COX10: variants seen among roughly 807,000 people sequenced by gnomAD.
COX10 encodes the protein cytochrome c oxidase assembly factor heme A:farnesyltransferase COX10.
Under a neutral mutation model 37.3 loss-of-function variants are expected in COX10, and 27 were observed. The observed-to-expected ratio is 0.72, with a 90% CI of 0.53 to 1.00. The LOEUF (loss-of-function observed/expected upper bound fraction) is 1.00. Ranked by LOEUF, COX10 falls within the 50% of genes least tolerant of loss-of-function variation. COX10 has a pLI of 0.00. For synonymous variants in COX10, 222 were observed against 229.1 expected, an observed-to-expected ratio of 0.97 and a Z score of 0.28; for missense variants, 475 against 563.2, an observed-to-expected ratio of 0.84 and a Z score of 1.59.
At chr17:14,174,324 T>C (rs551141128) in intron 5 of COX10, among the ~76,000 whole-genome samples, 3,084 of 151,406 alleles carry the variant, frequency 0.02, 52 homozygotes, top group African/African-American at 0.042. Context: ...TTAGGTATGG[T>C]GGCATGTGCC....
intron 1 of COX10, 151 bp from the exon 2 acceptor site, chr17:14,074,172 C>T: frequency 2.5e-6 from 2 of 810,026 alleles, no homozygotes; most frequent in South Asian, 1.7e-5. Flanking sequence ...CATTTATTCA[C>T]AAATCTGGAT....
intron 3 of COX10, among the ~76,000 whole-genome samples, chr17:14,079,336 T>G (rs1915226401): frequency 6.6e-6 from 1 of 152,132 alleles, no homozygotes; most frequent in Non-Finnish European, 1.5e-5. Flanking sequence ...TGAATGAATA[T>G]TTACTCGGCA....
At chr17:14,202,523 G>T (rs1325101968) in intron 6 of COX10, among the ~76,000 whole-genome samples, 1 of 152,160 alleles carries the variant, frequency 6.6e-6, no homozygotes, top group African/African-American at 2.4e-5. Flanking sequence ...AGATGATGAT[G>T]ATGATACCTA....
intron 5 of COX10, among the ~76,000 whole-genome samples, chr17:14,173,088 A>G (rs1905533696): frequency 3.3e-5 from 5 of 152,212 alleles, no homozygotes; most frequent in Admixed American, 2.6e-4. Context: ...TTCCTTGTAC[A>G]TTCTGGGTAT....
intron 3 of COX10, among the ~76,000 whole-genome samples, chr17:14,090,783 C>T (rs1347506400): frequency 2.0e-5 from 3 of 152,178 alleles, no homozygotes; most frequent in Non-Finnish European, 4.4e-5. Context: ...AGTTCCTCAC[C>T]TGCTGAATCA....
intron 4 of COX10, among the ~76,000 whole-genome samples, chr17:14,153,645 T>C (rs1207525179): frequency 6.6e-6 from 1 of 152,208 alleles, no homozygotes; most frequent in East Asian, 1.9e-4. Flanking sequence ...AACTTTCATA[T>C]ACTGCTGTGG....
rs529157735 is a variant in COX10, at chr17:14,100,423, A to C, written c.500-1695A>C. 6.6e-5 allele frequency among the ~76,000 whole-genome samples: 10 copies of C among 152,252 alleles called. No homozygotes were observed. In the East Asian group the frequency reaches 1.4e-3, roughly 21 times the overall value. Reference sequence around the variant, plus strand: ...TGTAGTAAGTGTCATGAAGGAAATAAAAGGAGGATGTGAGCGAGGGAGTAA... The same window carrying C: ...TGTAGTAAGTGTCATGAAGGAAATACAAGGAGGATGTGAGCGAGGGAGTAA... On this transcript the variant is annotated intron_variant, in intron 3 of 6. Transcript: ENST00000261643.
At position 14,119,449 on chromosome 17, in the gene COX10, G is replaced by A. The variant is rs141673887; in HGVS notation, c.624+17207G>A. ...ATGGTAGGCAAAAAAAACCTGCCAC[G>A]ATCTTTGCTCTCAGTGGACCTATTG... On this transcript the variant is annotated intron_variant, in intron 4 of 6. Transcript: ENST00000261643. 1.8e-4 allele frequency among the ~76,000 whole-genome samples: 28 copies of A among 152,232 alleles called. No individual in the cohort carries two copies. The East Asian group carries it at 4.8e-3, about 26-fold the overall frequency.
chr17:14,094,484 A>G (rs1915600463), intron 3 of COX10, among the ~76,000 whole-genome samples: 1 of 152,126 alleles, frequency 6.6e-6, no homozygotes, highest in South Asian at 2.1e-4. Flanking sequence ...TTTCTTTGAA[A>G]TGCAGTATTT....
rs1042668305 is a variant in COX10 at position 14,072,496 on chromosome 17, C to T, written c.44-1827C>T. ...TTGGCCTCCCAAGTAGCTGGAATTACAGGCATGCACCACCATGCCTGTCTA... is the reference window on the plus strand; with the variant it reads ...TTGGCCTCCCAAGTAGCTGGAATTATAGGCATGCACCACCATGCCTGTCTA... On this transcript the variant is annotated intron_variant, in intron 1 of 6. Coordinates refer to ENST00000261643, the MANE Select transcript of COX10 (RefSeq NM_001303.4). 3.9e-5 allele frequency among the ~76,000 whole-genome samples: 6 copies of T among 152,150 alleles called. No individual in the cohort carries two copies. In the South Asian group the frequency reaches 1.2e-3, roughly 31 times the overall value.
intron 3 of COX10, among the ~76,000 whole-genome samples, chr17:14,087,021 C>G (rs1488754469): frequency 6.6e-6 from 1 of 152,140 alleles, no homozygotes; most frequent in East Asian, 1.9e-4. Flanking sequence ...GTACTACTTT[C>G]CTTAACCTAC....
chr17:14,116,675 A>ACG lies in COX10; in HGVS notation c.624+14434_624+14435dup, dbSNP rs1358008889. The stretch of plus-strand genomic sequence containing the variant: ...CATGTACACACACACACACACACAC[A>ACG]CGTGTTAGCTGTGGAAGTTGTGAGG... On this transcript the variant is annotated intron_variant, in intron 4 of 6. Transcript: ENST00000261643. 6.6e-5 allele frequency among the ~76,000 whole-genome samples: 10 copies of ACG among 150,732 alleles called. No homozygotes were observed. In the East Asian group the frequency reaches 1.4e-3, roughly 21 times the overall value.
chr17:14,137,169 TA>T (rs1250838237), intron 4 of COX10, among the ~76,000 whole-genome samples: 1 of 151,874 alleles, frequency 6.6e-6, no homozygotes, highest in Non-Finnish European at 1.5e-5. Flanking sequence ...AAGTATAATT[TA>T]AAATTCTTAA....
intron 5 of COX10, among the ~76,000 whole-genome samples, chr17:14,180,123 G>T (rs558011780): frequency 6.6e-6 from 1 of 151,692 alleles, no homozygotes; most frequent in African/African-American, 2.4e-5. Flanking sequence ...CAGGGGAGCT[G>T]TGGATATTAT....
intron 3 of COX10, among the ~76,000 whole-genome samples, chr17:14,092,971 C>A (rs1212103682): frequency 6.6e-6 from 1 of 152,148 alleles, no homozygotes; most frequent in Non-Finnish European, 1.5e-5. Flanking sequence ...CACACATAAA[C>A]AAAACCACAT....
intron 4 of COX10, among the ~76,000 whole-genome samples, chr17:14,154,761 G>A (rs1904995733): frequency 6.6e-6 from 1 of 152,162 alleles, no homozygotes; most frequent in African/African-American, 2.4e-5. Context: ...AATTGTTGGA[G>A]AAATTATTCC....
intron 4 of COX10, among the ~76,000 whole-genome samples, chr17:14,102,940 ACAGGAATTCAAGTTACCAG>A (rs1915817521): frequency 6.6e-6 from 1 of 152,160 alleles, no homozygotes; most frequent in Non-Finnish European, 1.5e-5. Context: ...CAGTTTTAAA[ACAGGAATTCAAGTTACCAG>A]CAGGAAAACA....
At chr17:14,127,835 C>T (rs1916377361) in intron 4 of COX10, among the ~76,000 whole-genome samples, 1 of 151,898 alleles carries the variant, frequency 6.6e-6, no homozygotes, top group Non-Finnish European at 1.5e-5. Flanking sequence ...AGTACTTGGC[C>T]ACATCAAAGT....
chr17:14,147,435 G>A (rs536224148), intron 4 of COX10, among the ~76,000 whole-genome samples: 1 of 152,150 alleles, frequency 6.6e-6, no homozygotes, highest in South Asian at 2.1e-4. Context: ...TTATGTATAG[G>A]ATCTAAAAAC....
Sources: allele counts gnomAD v4.1 joint callset (sites outside exome capture counted in the v4.1 genomes callset), GRCh38; gene constraint gnomAD v4.1.1; transcripts MANE v1.5; gene names NCBI Gene and HGNC (gene_info 2026-07-23, HGNC 2026-07-21).